Variants in FERMT2 observed in about 807,000 individuals in gnomAD.
FERMT2 encodes FERM domain containing kindlin 2, also known as fermitin family homolog 2.
A neutral mutation model predicts 82.7 loss-of-function variants in FERMT2; 15 were observed. The ratio of observed to expected loss-of-function variants is 0.18; its 90% CI spans 0.12 to 0.28. FERMT2 has a LOEUF of 0.28. Ranked by LOEUF, FERMT2 falls within the 10% of genes least tolerant of loss-of-function variation. FERMT2 has a pLI of 1.00. For missense variants in FERMT2, 645 were observed against 809.4 expected (o/e 0.80, Z 2.46); for synonymous variants, 274 against 271.5 (o/e 1.01, Z -0.09).
At chr14:52,910,494 A>C (rs1157943882) in intron 3 of FERMT2, among the ~76,000 whole-genome samples, 1 of 151,936 alleles carries the variant, frequency 6.6e-6, no homozygotes, top group Non-Finnish European at 1.5e-5. Flanking sequence ...AATACGTTAC[A>C]TTAAAAAAAA....
intron 3 of FERMT2, among the ~76,000 whole-genome samples, chr14:52,899,557 C>T (rs1173127504): frequency 6.6e-6 from 1 of 152,218 alleles, no homozygotes; most frequent in Non-Finnish European, 1.5e-5. Context: ...GCTGGGATTA[C>T]AGGTGTGAGC....
At chr14:52,859,381 T>C in intron 14 of FERMT2, 192 bp downstream of exon 14, 2 of 510,068 alleles carry the variant, frequency 3.9e-6, no homozygotes, top group Non-Finnish European at 6.5e-6. Flanking sequence ...ATTATGCACT[T>C]AGAATTTTAG....
chr14:52,949,780 G>A (rs1158799751), intron 2 of FERMT2, among the ~76,000 whole-genome samples: 1 of 152,042 alleles, frequency 6.6e-6, no homozygotes, highest in Admixed American at 6.6e-5. Context: ...TTCTTTCCTT[G>A]GCTTGTTATT....
At position 52,950,636 on chromosome 14, in the gene FERMT2, C is replaced by T. The variant is rs181615603; in HGVS notation, c.-9-59G>A. On this transcript the variant is annotated intron_variant, in intron 1 of 14. Transcript: ENST00000341590. Reference sequence around the variant, plus strand: ...TCACTCCCCCAAAGAAAGGCGAATCCCACCGAATTCGCAGCGCCGGCCACG... The same window carrying T: ...TCACTCCCCCAAAGAAAGGCGAATCTCACCGAATTCGCAGCGCCGGCCACG... 8.7e-5 allele frequency: 135 copies of T among 1,547,912 alleles called. No homozygotes were observed. In the East Asian group the frequency reaches 3.0e-3, roughly 35 times the overall value.
intron 2 of FERMT2, chr14:52,927,878 C>T (rs1409671595): frequency 4.6e-6 from 1 of 218,358 alleles, no homozygotes; most frequent in African/African-American, 2.2e-5. Context: ...AGACTCAGTT[C>T]TGCCTCATCT....
chr14:52,865,955 C>G (rs935676541), intron 10 of FERMT2, among the ~76,000 whole-genome samples: 4 of 152,120 alleles, frequency 2.6e-5, no homozygotes, highest in Admixed American at 6.5e-5. Context: ...TGAATTTCTT[C>G]TTTTATATCT....
At chr14:52,915,005 G>T (rs1888540359) in intron 3 of FERMT2, among the ~76,000 whole-genome samples, 2 of 151,892 alleles carry the variant, frequency 1.3e-5, no homozygotes, top group Non-Finnish European at 2.9e-5. Flanking sequence ...ATTTATCAAA[G>T]AGTTCAGTAA....
intron 4 of FERMT2, among the ~76,000 whole-genome samples, chr14:52,888,511 A>C (rs1044236640): frequency 6.6e-6 from 1 of 152,236 alleles, no homozygotes; most frequent in South Asian, 2.1e-4. Flanking sequence ...AAATTATCCA[A>C]TGCTTCCAAT....
chr14:52,910,912 T>A (rs1233575682), intron 3 of FERMT2, among the ~76,000 whole-genome samples: 1 of 152,188 alleles, frequency 6.6e-6, no homozygotes, highest in East Asian at 1.9e-4. Flanking sequence ...CAAGAGTAGA[T>A]ACAAGAGAGT....
chr14:52,877,872 C>G (rs1371332851), intron 7 of FERMT2, among the ~76,000 whole-genome samples: 1 of 152,114 alleles, frequency 6.6e-6, no homozygotes, highest in Non-Finnish European at 1.5e-5. Flanking sequence ...CAAAGCATTA[C>G]TCGGGTATCT....
At position 52,857,559 on chromosome 14, in the gene FERMT2, CATTTA is replaced by C. The variant is rs1884646717; in HGVS notation, c.*813_*817del. 1 of 152,590 alleles carries C rather than the reference CATTTA, an allele frequency of 6.6e-6. No individual in the cohort carries two copies. The highest frequency in any genetic ancestry group is 1.5e-5 in the Non-Finnish European group (1 of 68,052). 9.5% of individuals were successfully genotyped at this position (152,590 alleles called of 1,614,324 possible). On this transcript the variant is annotated 3_prime_UTR_variant, in exon 15 of 15. Transcript: ENST00000341590. ...GCACGTTAATTATATCTCTTAAAGG[CATTTA>C]ATTAACGCAGAGATTGCTACATTTA...
At chr14:52,945,848 G>C (rs1890326719) in intron 2 of FERMT2, among the ~76,000 whole-genome samples, 1 of 152,158 alleles carries the variant, frequency 6.6e-6, no homozygotes, top group African/African-American at 2.4e-5. Flanking sequence ...GTACACATAA[G>C]TTTTAAAAAG....
At chr14:52,890,199 G>A (rs568646059) in intron 4 of FERMT2, among the ~76,000 whole-genome samples, 9 of 151,768 alleles carry the variant, frequency 5.9e-5, no homozygotes, top group Non-Finnish European at 7.4e-5. Flanking sequence ...TTGGGAGGCC[G>A]AGGCAGGTGG....
At chr14:52,866,407 G>A (rs943494097) in intron 10 of FERMT2, among the ~76,000 whole-genome samples, 3 of 152,102 alleles carry the variant, frequency 2.0e-5, no homozygotes, top group African/African-American at 7.2e-5. Flanking sequence ...ACAGAAGGAA[G>A]CAACAGCTCC....
At chr14:52,860,497 G>T in intron 12 of FERMT2, 32 bp from the exon 13 acceptor site, 1 of 1,587,224 alleles carries the variant, frequency 6.3e-7, no homozygotes, top group South Asian at 1.1e-5. Context: ...CTTTACCATT[G>T]AACATTATTC....
intron 2 of FERMT2, among the ~76,000 whole-genome samples, chr14:52,926,128 T>G (rs947929268): frequency 2.0e-5 from 3 of 152,246 alleles, no homozygotes; most frequent in African/African-American, 7.2e-5. Flanking sequence ...AGTAGAAGCA[T>G]GAACACATTA....
At chr14:52,924,653 G>T (rs952068388) in intron 2 of FERMT2, among the ~76,000 whole-genome samples, 6 of 152,100 alleles carry the variant, frequency 3.9e-5, no homozygotes, top group African/African-American at 1.2e-4. Flanking sequence ...CAGTTATAAT[G>T]GTTGGGAGGT....
chr14:52,882,883 A>C (rs1169184901), intron 4 of FERMT2, among the ~76,000 whole-genome samples: 1 of 152,200 alleles, frequency 6.6e-6, no homozygotes, highest in Non-Finnish European at 1.5e-5. Context: ...GTGTTCTTCC[A>C]ATGTTAGTAC....
At chr14:52,946,268 A>G (rs1890351927) in intron 2 of FERMT2, among the ~76,000 whole-genome samples, 2 of 151,968 alleles carry the variant, frequency 1.3e-5, no homozygotes, top group Non-Finnish European at 1.5e-5. Context: ...TTTTATTTTG[A>G]TGTCTTGTTT....
Sources: allele counts gnomAD v4.1 joint callset (sites outside exome capture counted in the v4.1 genomes callset), GRCh38; gene constraint gnomAD v4.1.1; transcripts MANE v1.5; gene names NCBI Gene and HGNC (gene_info 2026-07-23, HGNC 2026-07-21).